DPP10: variants seen among roughly 807,000 people sequenced by gnomAD.
DPP10 encodes dipeptidyl peptidase like 10.
In DPP10, 33 loss-of-function variants were observed where a neutral mutation model predicts 120.9. That is an observed-to-expected ratio of 0.27 (90% CI 0.21 to 0.37). The LOEUF (loss-of-function observed/expected upper bound fraction) is 0.37. DPP10 is among the 10% of genes least tolerant of loss of function. The pLI, the probability that DPP10 is intolerant of heterozygous loss-of-function variation, is 1.00. For synonymous variants in DPP10, 337 were observed against 326.1 expected (o/e 1.03, Z -0.36); for missense variants, 816 against 942.8 (o/e 0.87, Z 1.76).
chr2:115,559,689 CA>C (rs1183762518), intron 5 of DPP10, among the ~76,000 whole-genome samples: 2 of 151,690 alleles, frequency 1.3e-5, no homozygotes, highest in Non-Finnish European at 2.9e-5. Context: ...ATTTATTTTC[CA>C]AATTATGTGC....
Position 114,834,611 on chromosome 2 carries a change from A to ACGCACCTATGTATATATAAGCCATG in DPP10, c.60+391773_60+391774insCGCACCTATGTATATATAAGCCATG, listed in dbSNP as rs1558790972. On this transcript the variant is annotated intron_variant, in intron 1 of 25. Coordinates refer to ENST00000410059, the MANE Select transcript of DPP10 (RefSeq NM_020868.6). Reference sequence around the variant, plus strand: ...ACGCACCTATGTATATATAAGCCATATCTAAGCACCTATGTATATATAAGC... The same window carrying ACGCACCTATGTATATATAAGCCATG: ...ACGCACCTATGTATATATAAGCCATACGCACCTATGTATATATAAGCCATGTCTAAGCACCTATGTATATATAAGC... Among the ~76,000 whole-genome samples, 101 of 111,274 alleles carry ACGCACCTATGTATATATAAGCCATG rather than the reference A, an allele frequency of 9.1e-4. 2 individuals are homozygous for ACGCACCTATGTATATATAAGCCATG. Among genetic ancestry groups the ACGCACCTATGTATATATAAGCCATG allele is most frequent in the African/African-American group, 3.8e-3 (95 of 25,064 alleles). The allele number at this position is 111,274 out of a possible 152,430, so 73.0% of individuals were successfully genotyped here.
chr2:115,551,481 G>T (rs1197117300), intron 5 of DPP10, among the ~76,000 whole-genome samples: 1 of 152,046 alleles, frequency 6.6e-6, no homozygotes, highest in African/African-American at 2.4e-5. Context: ...AATTCTCAAA[G>T]CTGTTGATCA....
At chr2:114,618,265 G>C (rs1693825501) in intron 1 of DPP10, among the ~76,000 whole-genome samples, 1 of 151,936 alleles carries the variant, frequency 6.6e-6, no homozygotes, top group African/African-American at 2.4e-5. Context: ...TACCAGACTT[G>C]ATTGACAGAT....
chr2:115,043,147 T>C (rs1704793151), intron 1 of DPP10, among the ~76,000 whole-genome samples: 1 of 152,150 alleles, frequency 6.6e-6, no homozygotes. Flanking sequence ...ACTATTTTTT[T>C]AGAGCCTCTG....
intron 1 of DPP10, among the ~76,000 whole-genome samples, chr2:115,226,653 C>G (rs1358809482): frequency 6.6e-6 from 1 of 152,136 alleles, no homozygotes; most frequent in African/African-American, 2.4e-5. Context: ...CTTTATTGAG[C>G]ACTTCTATGT....
chr2:115,167,753 A>C (rs911302980), intron 1 of DPP10, among the ~76,000 whole-genome samples: 4 of 152,282 alleles, frequency 2.6e-5, no homozygotes, highest in Admixed American at 2.6e-4. Context: ...ATATTAATGG[A>C]TTTGGACATC....
chr2:114,809,365 T>C (rs951909130), intron 1 of DPP10, among the ~76,000 whole-genome samples: 3 of 152,186 alleles, frequency 2.0e-5, no homozygotes, highest in African/African-American at 4.8e-5. Context: ...TTTCTTTCTA[T>C]TGTCTGTTCA....
chr2:115,570,839 AAC>A (rs892646039), intron 5 of DPP10, among the ~76,000 whole-genome samples: 3 of 152,242 alleles, frequency 2.0e-5, no homozygotes, highest in African/African-American at 7.2e-5. Flanking sequence ...TAATAATAAT[AAC>A]ACAGAATTGT....
intron 3 of DPP10, among the ~76,000 whole-genome samples, chr2:115,345,054 A>C (rs1205360092): frequency 1.3e-5 from 2 of 152,198 alleles, no homozygotes; most frequent in African/African-American, 4.8e-5. Context: ...CTTGACACTG[A>C]TATGTCTCCT....
chr2:115,491,342 G>A (rs759562730), intron 3 of DPP10, among the ~76,000 whole-genome samples: 9 of 152,122 alleles, frequency 5.9e-5, no homozygotes, highest in Non-Finnish European at 1.3e-4. Flanking sequence ...AAGAGTTATA[G>A]AGGAAAGAAA....
chr2:115,271,285 T>C (rs1355599525), intron 1 of DPP10, among the ~76,000 whole-genome samples: 1 of 152,200 alleles, frequency 6.6e-6, no homozygotes, highest in Non-Finnish European at 1.5e-5. Flanking sequence ...TACCTGGCCA[T>C]TCTACTTGTT....
chr2:115,039,904 G>A (rs1278426672), intron 1 of DPP10, among the ~76,000 whole-genome samples: 12 of 152,066 alleles, frequency 7.9e-5, no homozygotes, highest in African/African-American at 2.2e-4. Flanking sequence ...TTTCAGTCAC[G>A]GCAGAAGGCG....
chr2:115,058,302 A>G (rs1020239163), intron 1 of DPP10, among the ~76,000 whole-genome samples: 13 of 136,908 alleles, frequency 9.5e-5, no homozygotes, highest in African/African-American at 3.5e-4. Flanking sequence ...AAAAAAAAAA[A>G]AGGCACACTC....
chr2:114,650,748 T>C (rs1385847495), intron 1 of DPP10, among the ~76,000 whole-genome samples: 1 of 152,122 alleles, frequency 6.6e-6, no homozygotes, highest in East Asian at 1.9e-4. Flanking sequence ...ATCCGCTCCC[T>C]CTAAAATCAC....
At chr2:115,569,163 A>G (rs2081195379) in intron 5 of DPP10, among the ~76,000 whole-genome samples, 1 of 152,254 alleles carries the variant, frequency 6.6e-6, no homozygotes, top group Admixed American at 6.5e-5. Flanking sequence ...AACTGAATTC[A>G]TACAGCAAGT....
chr2:114,711,875 T>A (rs566716368), intron 1 of DPP10, among the ~76,000 whole-genome samples: 1 of 152,222 alleles, frequency 6.6e-6, no homozygotes, highest in South Asian at 2.1e-4. Flanking sequence ...ACTTCATGTA[T>A]ACAAGACTGC....
At chr2:115,207,423 A>AAAAAAG (rs2056216469) in intron 1 of DPP10, among the ~76,000 whole-genome samples, 1 of 79,880 alleles carries the variant, frequency 1.3e-5, no homozygotes, top group East Asian at 5.1e-4. Context: ...CACCAAAAAA[A>AAAAAAG]AAAAAAAAAA....
chr2:115,105,553 A>C (rs910894475), intron 1 of DPP10, among the ~76,000 whole-genome samples: 1 of 152,166 alleles, frequency 6.6e-6, no homozygotes, highest in Non-Finnish European at 1.5e-5. Flanking sequence ...CAAGTCATTC[A>C]TGAGGAGTCT....
At chr2:115,495,121 C>T (rs549743552) in intron 3 of DPP10, among the ~76,000 whole-genome samples, 5 of 151,926 alleles carry the variant, frequency 3.3e-5, no homozygotes, top group African/African-American at 9.6e-5. Context: ...TTACAAGAGT[C>T]GGAGTGTCCA....
Sources: allele counts gnomAD v4.1 joint callset (sites outside exome capture counted in the v4.1 genomes callset), GRCh38; gene constraint gnomAD v4.1.1; transcripts MANE v1.5; gene names NCBI Gene and HGNC (gene_info 2026-07-23, HGNC 2026-07-21).